Variants in SNX29 observed in about 807,000 individuals in gnomAD.
SNX29 encodes sorting nexin-29.
In SNX29, 78 loss-of-function variants were observed where a neutral mutation model predicts 102.1. The observed-to-expected ratio is 0.76, with a 90% CI of 0.64 to 0.92. The LOEUF (loss-of-function observed/expected upper bound fraction) is 0.92, where lower values mean the gene tolerates loss of function less well. SNX29 is among the 40% of genes least tolerant of loss of function. The pLI, the probability that SNX29 is intolerant of heterozygous loss-of-function variation, is 0.00. For synonymous variants in SNX29, 580 were observed against 414.5 expected (o/e 1.40, Z -4.85); for missense variants, 1,280 against 1,061.7 (o/e 1.21, Z -2.86).
intron 14 of SNX29, among the ~76,000 whole-genome samples, chr16:12,266,912 C>T (rs1382656660): frequency 6.6e-6 from 1 of 152,030 alleles, no homozygotes; most frequent in African/African-American, 2.4e-5. Flanking sequence ...TACAGACACC[C>T]GCCACCACGC....
At chr16:12,542,833 G>A (rs1361029905) in intron 20 of SNX29, among the ~76,000 whole-genome samples, 2 of 151,978 alleles carry the variant, frequency 1.3e-5, no homozygotes, top group Non-Finnish European at 2.9e-5. Flanking sequence ...TAAGGTGTGT[G>A]GACCCATGAG....
chr16:12,566,875 C>T (rs556970257), intron 20 of SNX29, among the ~76,000 whole-genome samples: 47 of 152,344 alleles, frequency 3.1e-4, no homozygotes, highest in Non-Finnish European at 6.0e-4. Context: ...GAAGGCAAAG[C>T]AACAACTTGA....
At chr16:12,533,608 C>T (rs145543997) in intron 20 of SNX29, among the ~76,000 whole-genome samples, 37 of 152,284 alleles carry the variant, frequency 2.4e-4, no homozygotes, top group African/African-American at 7.9e-4. Context: ...GGAGACACCC[C>T]GCTACCTGGA....
intron 3 of SNX29, among the ~76,000 whole-genome samples, chr16:12,024,853 C>T (rs1195273866): frequency 1.3e-5 from 2 of 152,174 alleles, no homozygotes; most frequent in African/African-American, 2.4e-5. Context: ...AGAGAACTCT[C>T]AACATACCCC....
At position 12,573,494 on chromosome 16, in the gene SNX29, C is replaced by G. The variant is rs1285728965; in HGVS notation, c.*4865C>G. 8.9e-6 allele frequency: 2 copies of G among 224,640 alleles called. No homozygotes were observed. The highest frequency in any genetic ancestry group is 1.8e-5 in the Non-Finnish European group (2 of 112,724). The allele number at this position is 224,640 out of a possible 1,614,324, so 13.9% of individuals were successfully genotyped here. On this transcript the variant is annotated 3_prime_UTR_variant, in exon 21 of 21. Transcript: ENST00000566228. ...CTGCTGGCGGAAGATTCTAGATTCA[C>G]TGGTGGTTTAAGAGGCCCAGGGATT... is the stretch of plus-strand genomic sequence containing the variant.
At chr16:12,225,156 A>G (rs1471732599) in intron 14 of SNX29, among the ~76,000 whole-genome samples, 6 of 152,210 alleles carry the variant, frequency 3.9e-5, no homozygotes, top group Non-Finnish European at 5.9e-5. Flanking sequence ...AGTGATATTA[A>G]TATCACTGCC....
At chr16:11,994,097 G>A (rs926864579) in intron 1 of SNX29, among the ~76,000 whole-genome samples, 8 of 152,144 alleles carry the variant, frequency 5.3e-5, no homozygotes, top group African/African-American at 1.9e-4. Context: ...CTCCAGCCTG[G>A]GTGACAAGAG....
At chr16:12,111,742 G>A (rs2053510096) in intron 11 of SNX29, among the ~76,000 whole-genome samples, 1 of 152,232 alleles carries the variant, frequency 6.6e-6, no homozygotes. Context: ...AGTCATTTCA[G>A]ATGGTTTAGG....
At chr16:12,188,595 G>A (rs1306124839) in intron 13 of SNX29, among the ~76,000 whole-genome samples, 2 of 152,142 alleles carry the variant, frequency 1.3e-5, no homozygotes, top group Non-Finnish European at 2.9e-5. Flanking sequence ...TGTTTGGGCT[G>A]TTTCTCTGGC....
intron 15 of SNX29, among the ~76,000 whole-genome samples, chr16:12,332,010 A>C (rs1596948637): frequency 1.3e-5 from 2 of 152,254 alleles, no homozygotes; most frequent in East Asian, 3.9e-4. Flanking sequence ...CAGTGAGCCA[A>C]GATCATGCCA....
chr16:12,027,679 C>T (rs1289150594), intron 4 of SNX29: 5 of 384,834 alleles, frequency 1.3e-5, no homozygotes, highest in South Asian at 5.7e-5. Flanking sequence ...GGTACAGTCT[C>T]CTCTGGGTTC....
At chr16:12,256,545 C>A (rs2078578933) in intron 14 of SNX29, among the ~76,000 whole-genome samples, 2 of 152,168 alleles carry the variant, frequency 1.3e-5, no homozygotes. Context: ...CCAGGCTGGT[C>A]TTGAACTCCT....
At chr16:12,210,584 C>A (rs1250367396) in intron 14 of SNX29, among the ~76,000 whole-genome samples, 1 of 151,942 alleles carries the variant, frequency 6.6e-6, no homozygotes, top group East Asian at 1.9e-4. Flanking sequence ...GCCTGAAGCT[C>A]CCTCTCCCTC....
At chr16:12,357,603 C>A (rs1016442595) in intron 16 of SNX29, among the ~76,000 whole-genome samples, 1 of 152,244 alleles carries the variant, frequency 6.6e-6, no homozygotes, top group East Asian at 1.9e-4. Flanking sequence ...GCATTAAGTA[C>A]GTTCACACAT....
chr16:12,496,854 A>G (rs931156050), intron 19 of SNX29, among the ~76,000 whole-genome samples: 2 of 152,178 alleles, frequency 1.3e-5, no homozygotes, highest in Admixed American at 6.5e-5. Flanking sequence ...GCTTTGAATA[A>G]TTAAGTAGAC....
intron 8 of SNX29, among the ~76,000 whole-genome samples, chr16:12,060,289 C>T (rs894774619): frequency 7.2e-5 from 11 of 152,064 alleles, no homozygotes; most frequent in African/African-American, 2.2e-4. Flanking sequence ...AATACTACAC[C>T]GTTTTACATC....
chr16:12,192,035 A>G (rs901307893), intron 13 of SNX29, among the ~76,000 whole-genome samples: 1 of 152,184 alleles, frequency 6.6e-6, no homozygotes. Flanking sequence ...ATGCCTGAGA[A>G]TTACCAAATG....
chr16:12,236,714 T>C (rs2142248516), intron 14 of SNX29, among the ~76,000 whole-genome samples: 1 of 152,380 alleles, frequency 6.6e-6, no homozygotes, highest in Non-Finnish European at 1.5e-5. Context: ...AGTGAACACT[T>C]TGAGATGCTG....
At chr16:12,561,623 A>C (rs928953485) in intron 20 of SNX29, among the ~76,000 whole-genome samples, 1 of 152,188 alleles carries the variant, frequency 6.6e-6, no homozygotes, top group African/African-American at 2.4e-5. Context: ...GTGTACCCCA[A>C]GAGGCTTATT....
Sources: allele counts gnomAD v4.1 joint callset (sites outside exome capture counted in the v4.1 genomes callset), GRCh38; gene constraint gnomAD v4.1.1; transcripts MANE v1.5; gene names NCBI Gene and HGNC (gene_info 2026-07-23, HGNC 2026-07-21).